Variants in CARS2 observed in about 807,000 individuals in gnomAD.
CARS2 encodes the protein probable cysteine--tRNA ligase, mitochondrial.
In CARS2, 52 loss-of-function variants were observed where a neutral mutation model predicts 68.8. The ratio of observed to expected loss-of-function variants is 0.76; its 90% CI spans 0.61 to 0.95. The LOEUF is 0.95. CARS2 is among the 40% of genes least tolerant of loss of function. CARS2 has a pLI of 0.00. For synonymous variants in CARS2, 314 were observed against 303.6 expected, an observed-to-expected ratio of 1.03 and a Z score of -0.36; for missense variants, 780 against 754.2, an observed-to-expected ratio of 1.03 and a Z score of -0.40.
intron 7 of CARS2, among the ~76,000 whole-genome samples, chr13:110,675,474 T>C (rs2062919987): frequency 6.6e-6 from 1 of 151,990 alleles, no homozygotes; most frequent in Non-Finnish European, 1.5e-5. Flanking sequence ...AACCAAACAC[T>C]GCATGTTCTC....
At chr13:110,657,307 G>T (rs1420910035) in intron 9 of CARS2, among the ~76,000 whole-genome samples, 1 of 152,236 alleles carries the variant, frequency 6.6e-6, no homozygotes, top group Non-Finnish European at 1.5e-5. Flanking sequence ...CGTAGACGCA[G>T]TGTCACTCTG....
intron 9 of CARS2, among the ~76,000 whole-genome samples, chr13:110,659,381 C>G (rs1026587950): frequency 1.3e-5 from 2 of 152,236 alleles, no homozygotes; most frequent in African/African-American, 2.4e-5. Flanking sequence ...GACTCCCTAA[C>G]AACTCTCAAT....
chr13:110,701,021 A>T (rs560635635), intron 3 of CARS2, among the ~76,000 whole-genome samples: 1 of 152,248 alleles, frequency 6.6e-6, no homozygotes, highest in South Asian at 2.1e-4. Flanking sequence ...CACATGGACA[A>T]TAAGATGTGA....
Position 110,665,361 on chromosome 13 carries a change from G to T in CARS2, c.920-1843C>A. On this transcript the variant is annotated intron_variant, in intron 8 of 14. Coordinates refer to ENST00000257347, the MANE Select transcript of CARS2 (RefSeq NM_024537.4). The surrounding 1 kb of genome is among the most constrained non-coding windows in gnomAD (Gnocchi z 4.3). The stretch of plus-strand genomic sequence containing the variant: ...CTAGAACAGCTGAGGCAGGAGAATT[G>T]CTTGAACCCAGGAGGCAGAGGTTGC... 1 of 793,828 alleles carries T rather than the reference G, an allele frequency of 1.3e-6. No individual in the cohort carries two copies. The highest frequency in any genetic ancestry group is 1.5e-6 in the Non-Finnish European group (1 of 655,070). The allele number at this position is 793,828 out of a possible 1,614,324, so 49.2% of individuals were successfully genotyped here.
At position 110,705,964 on chromosome 13, in the gene CARS2, G is replaced by C; in HGVS notation, c.130C>G (p.Gln44Glu). 6.5e-7 allele frequency: 1 copy of C among 1,539,704 alleles called. No homozygotes were observed. The highest frequency in any genetic ancestry group is 2.5e-5 in the East Asian group (1 of 40,246). ...ASGGRGRAWLQPTGRETGVQV... is the reference protein window; with the variant it reads ...ASGGRGRAWLEPTGRETGVQV... ...ACACCCGTCTCCCGGCCCGTGGGCT[G>C]CAGCCAGGCCCGCCCGCGCCCCCCG... The change falls in exon 1 of 15, where the codon CAG becomes GAG. Residue 44 changes from glutamine (Q) to glutamate (E), a missense_variant. By Grantham distance (29) the Gln-to-Glu change is conservative. Coordinates refer to ENST00000257347, the MANE Select transcript of CARS2 (RefSeq NM_024537.4). The surrounding 1 kb of genome is among the most constrained non-coding windows in gnomAD (Gnocchi z 4.0).
chr13:110,641,484 T>G lies in CARS2; in HGVS notation c.*53A>C. The G allele has an allele frequency of 1.5e-5, 21 of 1,415,564 alleles. No homozygotes were observed. Among genetic ancestry groups the G allele is most frequent in the Non-Finnish European group, 2.0e-5 (20 of 998,606 alleles). 87.7% of individuals were successfully genotyped at this position (1,415,564 alleles called of 1,614,324 possible). On this transcript the variant is annotated 3_prime_UTR_variant, in exon 15 of 15. Coordinates refer to ENST00000257347, the MANE Select transcript of CARS2 (RefSeq NM_024537.4). ...AAGCTTTAACATAAAGCCTTGACCC[T>G]GAGAAGCATGGGTGCGTCTTGTCGT...
At position 110,647,815 on chromosome 13, in the gene CARS2, G is replaced by T. The variant is rs573881450; in HGVS notation, c.1055-576C>A. On this transcript the variant is annotated intron_variant, in intron 10 of 14. Transcript: ENST00000257347. ...CATTTCTTGTGGTTTCTAGTCTACT[G>T]CATTCTGATGGGTAAGACAACAGGA... Among the ~76,000 whole-genome samples, 3 of 152,370 alleles carry T rather than the reference G, an allele frequency of 2.0e-5. No homozygotes were observed. In the East Asian group the frequency reaches 5.8e-4, roughly 29 times the overall value.
intron 8 of CARS2, chr13:110,663,923 G>C (rs547385343): frequency 1.0e-6 from 1 of 1,000,488 alleles, no homozygotes; most frequent in South Asian, 4.6e-5. Flanking sequence ...GGCACTTGGC[G>C]GTGAAGCTTG....
At chr13:110,655,701 T>A (rs926115282) in intron 9 of CARS2, among the ~76,000 whole-genome samples, 1 of 152,260 alleles carries the variant, frequency 6.6e-6, no homozygotes, top group Non-Finnish European at 1.5e-5. Context: ...TGGTTCTCTG[T>A]CTTGTCTGCA....
chr13:110,673,268 A>G (rs1309879478), intron 7 of CARS2, among the ~76,000 whole-genome samples: 2 of 152,228 alleles, frequency 1.3e-5, no homozygotes, highest in South Asian at 4.1e-4. Context: ...AAAAAGGAGA[A>G]TTTTAGACCA....
chr13:110,687,421 G>A (rs2063330623), intron 5 of CARS2, among the ~76,000 whole-genome samples: 1 of 151,980 alleles, frequency 6.6e-6, no homozygotes, highest in Non-Finnish European at 1.5e-5. Context: ...TGTAATCCCA[G>A]CACTTTGGGA....
At chr13:110,672,882 A>G (rs1174278548) in intron 7 of CARS2, among the ~76,000 whole-genome samples, 2 of 152,240 alleles carry the variant, frequency 1.3e-5, no homozygotes, top group African/African-American at 2.4e-5. Flanking sequence ...GATAAAGGGG[A>G]TATCACCACC....
At position 110,642,659 on chromosome 13, in the gene CARS2, T is replaced by A. The variant is rs374867586; in HGVS notation, c.1417-138A>T. ...GATTCCCTGCAGCTGGGCCTCTTTC[T>A]GGGTCTGGCAGGGATGGGTACAGCC... On this transcript the variant is annotated intron_variant, in intron 13 of 14. Coordinates refer to ENST00000257347, the MANE Select transcript of CARS2 (RefSeq NM_024537.4). 402 of 872,302 alleles carry A rather than the reference T, an allele frequency of 4.6e-4. No individual in the cohort carries two copies. The African/African-American group carries it at 5.6e-3, about 12-fold the overall frequency. 54.0% of individuals were successfully genotyped at this position (872,302 alleles called of 1,614,324 possible). A position where few individuals can be genotyped will look rare whatever the true frequency, so the allele number is the denominator to read the frequency against.
At position 110,665,439 on chromosome 13, in the gene CARS2, T is replaced by C; in HGVS notation, c.919+1901A>G. On this transcript the variant is annotated intron_variant, in intron 8 of 14. Transcript: ENST00000257347. The surrounding 1 kb of genome is among the most constrained non-coding windows in gnomAD (Gnocchi z 4.3). The stretch of plus-strand genomic sequence containing the variant: ...CCCAGGCTGGGGGACGGAGCGAAAT[T>C]GTTTCAACAACAACAGCAAATGCTT... 5.1e-6 allele frequency: 5 copies of C among 985,028 alleles called. No homozygotes were observed. The highest frequency in any genetic ancestry group is 6.0e-6 in the Non-Finnish European group (5 of 829,564). The allele number at this position is 985,028 out of a possible 1,614,324, so 61.0% of individuals were successfully genotyped here.
At chr13:110,712,590 C>A (rs1363145630) in intron 1 of CARS2, 2 of 400,724 alleles carry the variant, frequency 5.0e-6, no homozygotes, top group Admixed American at 3.6e-5. Flanking sequence ...GGCGTCCAGG[C>A]TTCTCAGAAA....
chr13:110,696,869 C>A (rs1013544850), intron 3 of CARS2, among the ~76,000 whole-genome samples: 1 of 152,212 alleles, frequency 6.6e-6, no homozygotes, highest in Admixed American at 6.5e-5. Flanking sequence ...TCCCTGGATT[C>A]GGGGCTCTTG....
At chr13:110,675,121 T>C (rs1259138571) in intron 7 of CARS2, among the ~76,000 whole-genome samples, 3 of 152,180 alleles carry the variant, frequency 2.0e-5, no homozygotes, top group African/African-American at 7.2e-5. Context: ...GACTGTAAAC[T>C]AGTTCAACCA....
intron 3 of CARS2, among the ~76,000 whole-genome samples, chr13:110,697,271 G>A (rs1416640842): frequency 1.3e-5 from 2 of 152,184 alleles, no homozygotes; most frequent in African/African-American, 2.4e-5. Context: ...TAGACATCAC[G>A]CACCTGCCTT....
rs1035074537 is a variant in CARS2, at chr13:110,676,866, T to C, written c.785+108A>G. The stretch of plus-strand genomic sequence containing the variant: ...AAATCTCTTCCCAAAAAATCACCCA[T>C]GGGCACACGTGCCAGGCTGCACCTG... On this transcript the variant is annotated intron_variant, in intron 7 of 14. Transcript: ENST00000257347. The surrounding 1 kb of genome is among the most constrained non-coding windows in gnomAD (Gnocchi z 4.0). 11 of 1,359,992 alleles carry C rather than the reference T, an allele frequency of 8.1e-6. No individual in the cohort carries two copies. The highest frequency in any genetic ancestry group is 1.5e-5 in the African/African-American group (1 of 67,316). 84.2% of individuals were successfully genotyped at this position (1,359,992 alleles called of 1,614,324 possible).
Sources: allele counts gnomAD v4.1 joint callset (sites outside exome capture counted in the v4.1 genomes callset), GRCh38; gene constraint gnomAD v4.1.1; non-coding constraint Gnocchi (gnomAD v3.1); transcripts MANE v1.5; gene names NCBI Gene and HGNC (gene_info 2026-07-23, HGNC 2026-07-21).